The following RGPD8 variants were observed in gnomAD, a reference collection of about 807,000 sequenced individuals.
RGPD8 encodes RANBP2-like and GRIP domain-containing protein 8.
A neutral mutation model predicts 89.1 loss-of-function variants in RGPD8; 15 were observed. The ratio of observed to expected loss-of-function variants is 0.17; its 90% confidence interval spans 0.11 to 0.26. The LOEUF is 0.26. RGPD8 is among the 10% of genes least tolerant of loss of function. RGPD8 has a pLI of 1.00. For missense variants in RGPD8, 178 were observed against 1,179.6 expected (o/e 0.15, Z 12.44); for synonymous variants, 62 against 420.9 (o/e 0.15, Z 10.44).
chr2:112,432,768 C>G (rs893654688), intron 1 of RGPD8, among the ~76,000 whole-genome samples: 19 of 152,166 alleles, frequency 1.2e-4, no homozygotes, highest in African/African-American at 4.6e-4. Context: ...CCGTCGGGAA[C>G]AAACCGGGAG....
chr2:112,427,003 G>T (rs1379940565), intron 1 of RGPD8, among the ~76,000 whole-genome samples: 2 of 152,002 alleles, frequency 1.3e-5, no homozygotes. Context: ...CACCATGTTG[G>T]CCAAGATGGT....
At chr2:112,371,056 T>TA (rs1231508131) in intron 22 of RGPD8, among the ~76,000 whole-genome samples, 8 of 149,922 alleles carry the variant, frequency 5.3e-5, no homozygotes, top group East Asian at 2.0e-4. Flanking sequence ...AAGAGGATTT[T>TA]AAAAAAAATT....
chr2:112,381,143 T>TA, intron 20 of RGPD8, among the ~76,000 whole-genome samples, 180 bp from the exon 21 acceptor site: 1 of 47,796 alleles, frequency 2.1e-5, no homozygotes, highest in East Asian at 6.0e-4. Context: ...GTGACACAAA[T>TA]AAAACAGTAT....
intron 1 of RGPD8, among the ~76,000 whole-genome samples, chr2:112,425,834 T>C (rs1399899563): frequency 1.3e-5 from 2 of 150,842 alleles, no homozygotes; most frequent in Non-Finnish European, 2.9e-5. Flanking sequence ...TACTCAAACA[T>C]CTTATTTTTG....
At chr2:112,402,495 C>CAAGAAAAGAAAAGAAAAGAA (rs552548180) in intron 9 of RGPD8, among the ~76,000 whole-genome samples, 7,357 of 142,492 alleles carry the variant, frequency 0.052, 62 homozygotes, top group Middle Eastern at 0.071. Flanking sequence ...GTCTCAAAAA[C>CAAGAAAAGAAAAGAAAAGAA]AAGAAAAGAA....
At chr2:112,374,879 G>C (rs1440337362) in intron 22 of RGPD8, among the ~76,000 whole-genome samples, 1 of 43,344 alleles carries the variant, frequency 2.3e-5, no homozygotes, top group Admixed American at 2.2e-4. Flanking sequence ...TTTTTTTTTT[G>C]AGATAGGAGT....
chr2:112,404,700 CA>C (rs1318458486), intron 8 of RGPD8, among the ~76,000 whole-genome samples: 631 of 45,760 alleles, frequency 0.014, 1 homozygote, highest in African/African-American at 0.039. Context: ...ACTAAAAATA[CA>C]AAAAAAAAAA....
chr2:112,426,919 G>A (rs1189631614), intron 1 of RGPD8, among the ~76,000 whole-genome samples: 25 of 149,726 alleles, frequency 1.7e-4, no homozygotes, highest in African/African-American at 2.5e-4. Flanking sequence ...TCTGCGTCCC[G>A]GGTACAAGCT....
chr2:112,433,613 G>A lies in RGPD8; in HGVS notation c.-160C>T. 1.3e-6 allele frequency: 1 copy of A among 790,550 alleles called. No individual in the cohort carries two copies. The highest frequency in any genetic ancestry group is 2.0e-6 in the Non-Finnish European group (1 of 508,684). 49.0% of individuals were successfully genotyped at this position (790,550 alleles called of 1,614,324 possible). Reference sequence around the variant, plus strand: ...GCGGCGCCGCCCACGGAGGCCCACTGTGACGAACCTGCGTTCTGCCTCAGC... The same window carrying A: ...GCGGCGCCGCCCACGGAGGCCCACTATGACGAACCTGCGTTCTGCCTCAGC... On this transcript the variant is annotated 5_prime_UTR_variant, in exon 1 of 23. Transcript: ENST00000302558.
At position 112,415,353 on chromosome 2, in the gene RGPD8, T is replaced by C. The variant is rs1444509140; in HGVS notation, c.782+1840A>G. 2.6e-5 allele frequency among the ~76,000 whole-genome samples: 4 copies of C among 152,088 alleles called. No individual in the cohort carries two copies. The East Asian group carries it at 5.8e-4, about 22-fold the overall frequency. On this transcript the variant is annotated intron_variant, in intron 6 of 22. Transcript: ENST00000302558. ...GTAACAAAGGGCCCATGAGGCCTGA[T>C]TAACTGATCTGACAAACCATCTGTC...
intron 19 of RGPD8, 42 bp from the exon 20 acceptor site, chr2:112,390,289 C>T (rs757183223): frequency 1.9e-5 from 25 of 1,310,436 alleles, no homozygotes; most frequent in Admixed American, 1.4e-4. Flanking sequence ...TCCACATGCC[C>T]AAAATAGTCA....
intron 7 of RGPD8, among the ~76,000 whole-genome samples, chr2:112,409,837 C>T (rs1159655791): frequency 2.8e-5 from 4 of 140,972 alleles, no homozygotes; most frequent in Non-Finnish European, 3.0e-5. Context: ...TTAGGCTGTG[C>T]GCAGCAGCTC....
At chr2:112,419,557 T>C (rs1340967336) in intron 4 of RGPD8, among the ~76,000 whole-genome samples, 3 of 152,230 alleles carry the variant, frequency 2.0e-5, no homozygotes, top group South Asian at 2.1e-4. Flanking sequence ...TGGAATTACT[T>C]TGCATGACAG....
chr2:112,374,843 C>G (rs1196076304), intron 22 of RGPD8, among the ~76,000 whole-genome samples: 1 of 131,304 alleles, frequency 7.6e-6, no homozygotes, highest in Non-Finnish European at 1.6e-5. Context: ...TTTGAACCAT[C>G]TTGTAGTTTA....
At chr2:112,428,087 G>A (rs1170509281) in intron 1 of RGPD8, among the ~76,000 whole-genome samples, 1 of 152,284 alleles carries the variant, frequency 6.6e-6, no homozygotes, top group African/African-American at 2.4e-5. Context: ...AAGTTACCAA[G>A]AACAAGAATC....
At chr2:112,377,279 AG>A (rs1295159332) in intron 22 of RGPD8, among the ~76,000 whole-genome samples, 7 of 69,510 alleles carry the variant, frequency 1.0e-4, no homozygotes, top group African/African-American at 4.8e-4. Context: ...ACTACATCAT[AG>A]TTTTTTTTTT....
chr2:112,430,990 G>A lies in RGPD8; in HGVS notation c.72+2392C>T, dbSNP rs897633777. 3.3e-5 allele frequency among the ~76,000 whole-genome samples: 5 copies of A among 151,794 alleles called. No individual in the cohort carries two copies. The South Asian group carries it at 6.2e-4, about 19-fold the overall frequency. ...AATAATGGCCGGTGCAGTGGCTCAC[G>A]CCTATAATCCCAACACTTTGGGAAG... On this transcript the variant is annotated intron_variant, in intron 1 of 22. Coordinates refer to ENST00000302558, the MANE Select transcript of RGPD8 (RefSeq NM_001164463.1).
rs1678636363 is a variant in RGPD8, at chr2:112,390,076, CCTT to C, written c.2866_2868del (p.Lys956del). ...GTTTGGCCAAAAATCACACCACGGC[CCTT>C]CTTCCGGCCCCTAATATCCTGAGCC... On this transcript the variant is annotated inframe_deletion, in exon 20 of 23. Coordinates refer to ENST00000302558, the MANE Select transcript of RGPD8 (RefSeq NM_001164463.1). The C allele has an allele frequency of 6.4e-7, 1 of 1,573,880 alleles. No homozygotes were observed. The highest frequency in any genetic ancestry group is 8.7e-7 in the Non-Finnish European group (1 of 1,151,922).
In RGPD8 at chr2:112,391,414, C is replaced by T. The variant is rs201612375; in HGVS notation, c.2603-345G>A. Among the ~76,000 whole-genome samples, 126 of 142,632 alleles carry T rather than the reference C, an allele frequency of 8.8e-4. No individual in the cohort carries two copies. In the East Asian group the frequency reaches 0.018, roughly 20 times the overall value. The allele number at this position is 142,632 out of a possible 152,430, so 93.6% of individuals were successfully genotyped here. On this transcript the variant is annotated intron_variant, in intron 18 of 22. Coordinates refer to ENST00000302558, the MANE Select transcript of RGPD8 (RefSeq NM_001164463.1). ...TATGGACATTCAGTCACAGAAAGGACGTAAGGAACCAAGATGCCATCTGAT... is the reference window on the plus strand; with the variant it reads ...TATGGACATTCAGTCACAGAAAGGATGTAAGGAACCAAGATGCCATCTGAT...
Sources: allele counts gnomAD v4.1 joint callset (sites outside exome capture counted in the v4.1 genomes callset), GRCh38; gene constraint gnomAD v4.1.1; transcripts MANE v1.5; gene names NCBI Gene and HGNC (gene_info 2026-07-23, HGNC 2026-07-21).